PCDHGA8: variants seen among roughly 807,000 people sequenced by gnomAD.
The protein encoded by PCDHGA8 is protocadherin gamma-A8.
A neutral mutation model predicts 59.2 loss-of-function variants in PCDHGA8; 45 were observed. The observed-to-expected ratio is 0.76, with a 90% CI of 0.60 to 0.98. The LOEUF is 0.98. Among genes scored for constraint, PCDHGA8 ranks in the 50% least tolerant of loss-of-function variants. The pLI, the probability that PCDHGA8 is intolerant of heterozygous loss-of-function variation, is 0.00. For missense variants in PCDHGA8, 1,257 were observed against 1,196.2 expected, an observed-to-expected ratio of 1.05 and a Z score of -0.75; for synonymous variants, 531 against 519.0, an observed-to-expected ratio of 1.02 and a Z score of -0.32.
At chr5:141,408,211 G>C in intron 1 of PCDHGA8, 1 of 1,554,426 alleles carries the variant, frequency 6.4e-7, no homozygotes, top group Non-Finnish European at 8.7e-7. Context: ...CGATGGGAGG[G>C]AGCTGCGCGC....
intron 1 of PCDHGA8, chr5:141,418,952 G>T: frequency 1.9e-6 from 3 of 1,614,050 alleles, no homozygotes; most frequent in Non-Finnish European, 2.5e-6. Context: ...TCCAGGAGTG[G>T]TTGTTGCCCT....
intron 1 of PCDHGA8, chr5:141,418,530 G>A (rs370822103): frequency 5.0e-6 from 8 of 1,613,834 alleles, no homozygotes; most frequent in Non-Finnish European, 6.8e-6. Context: ...CCCCGAAGCG[G>A]TACTGCTCAG....
rs1164046040 is a variant in PCDHGA8, at chr5:141,476,557, C to A, written c.2425-18250C>A. ...AAATGAAATTGGAGATTAGCGAGGC[C>A]GTGGCTCCGGGGACGCGCTTTCCGC... is the stretch of plus-strand genomic sequence containing the variant. On this transcript the variant is annotated intron_variant, in intron 1 of 3. Transcript: ENST00000398604. This position sits in a 1 kb window ranked among gnomAD's most constrained non-coding sequence, Gnocchi z 7.6. The A allele has an allele frequency of 2.5e-6, 4 of 1,614,222 alleles. No individual in the cohort carries two copies. Among genetic ancestry groups the A allele is most frequent in the Admixed American group, 3.3e-5 (2 of 60,032 alleles).
At position 141,490,982 on chromosome 5, in the gene PCDHGA8, G is replaced by T; in HGVS notation, c.2425-3825G>T. ...CACTCAGCCCCCCAGCGTCTCCCTC[G>T]CTCTGCTCCTCCTGGCTCCTTGGTC... On this transcript the variant is annotated intron_variant, in intron 1 of 3. Coordinates refer to ENST00000398604, the MANE Select transcript of PCDHGA8 (RefSeq NM_032088.2). This position sits in a 1 kb window ranked among gnomAD's most constrained non-coding sequence, Gnocchi z 5.4. 1.2e-6 allele frequency: 2 copies of T among 1,613,994 alleles called. No individual in the cohort carries two copies. The highest frequency in any genetic ancestry group is 1.7e-6 in the Non-Finnish European group (2 of 1,180,002).
chr5:141,484,695 G>A (rs1371166304), intron 1 of PCDHGA8, among the ~76,000 whole-genome samples: 3 of 151,920 alleles, frequency 2.0e-5, no homozygotes, highest in Non-Finnish European at 4.4e-5. Context: ...TCAGGCTGTG[G>A]CTGTTTTCCC....
At chr5:141,451,170 A>G (rs960062747) in intron 1 of PCDHGA8, among the ~76,000 whole-genome samples, 8 of 152,148 alleles carry the variant, frequency 5.3e-5, no homozygotes, top group East Asian at 3.9e-4. Flanking sequence ...GTAGTATATT[A>G]TTTAGCCATT....
chr5:141,472,045 TA>T (rs1227282207), intron 1 of PCDHGA8, among the ~76,000 whole-genome samples: 3 of 152,170 alleles, frequency 2.0e-5, no homozygotes, highest in Non-Finnish European at 4.4e-5. Flanking sequence ...GAAAAGATTT[TA>T]AAAATGATTG....
intron 1 of PCDHGA8, chr5:141,424,561 T>C (rs972361161): frequency 7.9e-5 from 12 of 152,236 alleles, no homozygotes; most frequent in African/African-American, 2.9e-4. Flanking sequence ...TCAGTGCTTC[T>C]CAAAAACCTA....
intron 1 of PCDHGA8, chr5:141,428,501 C>A (rs970043746): frequency 8.4e-5 from 24 of 285,544 alleles, no homozygotes; most frequent in African/African-American, 3.9e-4. Context: ...TATGTTCCCT[C>A]GGATTCTAGA....
rs2095194600 is a variant in PCDHGA8 at position 141,408,919 on chromosome 5, C to T, written c.2424+13682C>T. On this transcript the variant is annotated intron_variant, in intron 1 of 3. Transcript: ENST00000398604. The stretch of plus-strand genomic sequence containing the variant: ...CTGTCAAGGATACCAATGATAACCC[C>T]CCGGTTTTCAGCAGAGACGAATATA... 2.5e-6 allele frequency: 4 copies of T among 1,613,346 alleles called. No individual in the cohort carries two copies. The African/African-American group carries it at 4.0e-5, about 16-fold the overall frequency.
chr5:141,501,130 G>A (rs528942194), intron 2 of PCDHGA8, among the ~76,000 whole-genome samples: 5 of 152,100 alleles, frequency 3.3e-5, no homozygotes, highest in African/African-American at 4.8e-5. Flanking sequence ...GCCTCCCTAA[G>A]TGCTGGGATT....
rs1438978424 is a variant in PCDHGA8 at position 141,394,322 on chromosome 5, G to T, written c.1509G>T (p.Ser503=). The change falls in exon 1 of 4, where the codon TCG becomes TCT. Residue 503 remains serine, a synonymous_variant. Coordinates refer to ENST00000398604, the MANE Select transcript of PCDHGA8 (RefSeq NM_032088.2). ...EDTLQGAPLS[S]YISINSDTGV... ...CGCTGCAGGGGGCGCCCCTGTCCTCGTATATCTCCATCAACTCTGACACCG... is the reference window on the plus strand; with the variant it reads ...CGCTGCAGGGGGCGCCCCTGTCCTCTTATATCTCCATCAACTCTGACACCG... The T allele has an allele frequency of 1.9e-6, 3 of 1,613,960 alleles. No individual in the cohort carries two copies. Among genetic ancestry groups the T allele is most frequent in the Non-Finnish European group, 1.7e-6 (2 of 1,179,902 alleles).
At chr5:141,494,770 C>A (rs767006872) in intron 1 of PCDHGA8, 37 bp from the exon 2 acceptor site, 14 of 1,613,904 alleles carry the variant, frequency 8.7e-6, no homozygotes, top group Non-Finnish European at 1.1e-5. Flanking sequence ...TAACTTCTCA[C>A]GGGTACTCAG....
rs774780380 is a variant in PCDHGA8 at position 141,432,864 on chromosome 5, G to C, written c.2424+37627G>C. Reference sequence around the variant, plus strand: ...GTGGTAGCGGTGGCCGCGGTCTCCTGCGTCTTCCTGGCCTTCGTCATCTTG... The same window carrying C: ...GTGGTAGCGGTGGCCGCGGTCTCCTCCGTCTTCCTGGCCTTCGTCATCTTG... On this transcript the variant is annotated intron_variant, in intron 1 of 3. Coordinates refer to ENST00000398604, the MANE Select transcript of PCDHGA8 (RefSeq NM_032088.2). The surrounding 1 kb of genome is among the most constrained non-coding windows in gnomAD (Gnocchi z 6.0). 6.2e-7 allele frequency: 1 copy of C among 1,614,168 alleles called. No homozygotes were observed.
chr5:141,452,387 G>A (rs1052689230), intron 1 of PCDHGA8, among the ~76,000 whole-genome samples: 5 of 152,146 alleles, frequency 3.3e-5, no homozygotes, highest in African/African-American at 1.2e-4. Context: ...ATAGTATTTA[G>A]AAACTAAGAT....
intron 1 of PCDHGA8, chr5:141,421,172 G>A: frequency 7.3e-7 from 1 of 1,366,164 alleles, no homozygotes; most frequent in Non-Finnish European, 9.8e-7. Context: ...AGATACATAA[G>A]CCGATTCACA....
At chr5:141,423,210 C>T in intron 1 of PCDHGA8, 2 of 1,613,696 alleles carry the variant, frequency 1.2e-6, no homozygotes, top group Non-Finnish European at 1.7e-6. Flanking sequence ...CCGTCACGCT[C>T]ACCGTGGCTG....
At chr5:141,474,871 A>G (rs894657981) in intron 1 of PCDHGA8, among the ~76,000 whole-genome samples, 5 of 152,236 alleles carry the variant, frequency 3.3e-5, no homozygotes, top group African/African-American at 1.2e-4. Context: ...ATAGGATAGG[A>G]GCAGGAACTC....
In PCDHGA8 at chr5:141,491,778, C is replaced by T. The variant is rs568710854; in HGVS notation, c.2425-3029C>T. 3.1e-4 allele frequency: 482 copies of T among 1,547,678 alleles called. No homozygotes were observed. The highest frequency in any genetic ancestry group is 2.2e-3 in the Middle Eastern group (13 of 5,890). On this transcript the variant is annotated intron_variant, in intron 1 of 3. Transcript: ENST00000398604. This position sits in a 1 kb window ranked among gnomAD's most constrained non-coding sequence, Gnocchi z 6.9. Reference sequence around the variant, plus strand: ...CCGCCCGTCCTCATAAGGGATTGAACTTGCATCCACTCCTCTCCGGCCGGC... The same window carrying T: ...CCGCCCGTCCTCATAAGGGATTGAATTTGCATCCACTCCTCTCCGGCCGGC...
Sources: gnomAD v4.1 joint callset for allele counts (sites outside exome capture counted in the v4.1 genomes callset) on GRCh38, gnomAD v4.1.1 for gene constraint, Gnocchi (gnomAD v3.1) non-coding constraint, MANE v1.5 for transcripts, NCBI Gene and HGNC (gene_info 2026-07-23, HGNC 2026-07-21) for gene names.